Variants in NAV1 observed in about 807,000 individuals in gnomAD.
The protein encoded by NAV1 is neuron navigator 1.
NAV1 carries 18 observed loss-of-function variants against 175.2 expected under a neutral mutation model. The ratio of observed to expected loss-of-function variants is 0.10; its 90% CI spans 0.07 to 0.15. NAV1 has a LOEUF of 0.15. NAV1 is among the 10% of genes least tolerant of loss of function. NAV1 has a pLI of 1.00. For synonymous variants in NAV1, 897 were observed against 978.7 expected, an observed-to-expected ratio of 0.92 and a Z score of 1.56; for missense variants, 1,731 against 2,436.6, an observed-to-expected ratio of 0.71 and a Z score of 6.10.
chr1:201,816,192 T>C (rs1679018559), intron 28 of NAV1, among the ~76,000 whole-genome samples: 1 of 152,074 alleles, frequency 6.6e-6, no homozygotes, highest in Admixed American at 6.5e-5. Context: ...ACCAACATGA[T>C]GAAACCCCAT....
intron 1 of NAV1, among the ~76,000 whole-genome samples, chr1:201,652,820 A>T (rs1558039387): frequency 6.6e-6 from 1 of 152,200 alleles, no homozygotes; most frequent in Non-Finnish European, 1.5e-5. Flanking sequence ...TCAATTTATG[A>T]TGGGGTTATG....
At chr1:201,735,579 A>G (rs77685539) in intron 3 of NAV1, among the ~76,000 whole-genome samples, 2,295 of 152,334 alleles carry the variant, frequency 0.015, 42 homozygotes, top group African/African-American at 0.051. Flanking sequence ...ACCTGGACCC[A>G]ATGTCACTGT....
intron 1 of NAV1, among the ~76,000 whole-genome samples, chr1:201,580,950 C>T (rs530006631): frequency 6.6e-6 from 1 of 152,104 alleles, no homozygotes; most frequent in African/African-American, 2.4e-5. Context: ...GGCATCCCAC[C>T]AGGCAACACA....
chr1:201,803,567 T>G (rs1420961780), intron 15 of NAV1, 26 bp from the exon 20 acceptor site: 1 of 1,609,102 alleles, frequency 6.2e-7, no homozygotes, highest in East Asian at 2.2e-5. Context: ...CTGTTCTATG[T>G]TTTTCCCACT....
At position 201,752,032 on chromosome 1, in the gene NAV1, T is replaced by G. The variant is rs113536605; in HGVS notation, c.1227-28389T>G. 7.5e-4 allele frequency among the ~76,000 whole-genome samples: 115 copies of G among 152,324 alleles called. 2 individuals carry two copies. In the East Asian group the frequency reaches 0.02, roughly 27 times the overall value. On this transcript the variant is annotated intron_variant, in intron 3 of 29. Transcript: ENST00000367296. Reference sequence around the variant, plus strand: ...TTCACAATGCATTAGCTGGGTTTTCTCTCCAGTGCTGACCTTTGACCTCCA... The same window carrying G: ...TTCACAATGCATTAGCTGGGTTTTCGCTCCAGTGCTGACCTTTGACCTCCA...
chr1:201,769,655 T>C (rs1675440035), intron 3 of NAV1, among the ~76,000 whole-genome samples: 1 of 152,168 alleles, frequency 6.6e-6, no homozygotes, highest in Non-Finnish European at 1.5e-5. Flanking sequence ...GATGATAAAG[T>C]TAGTTATTCT....
intron 1 of NAV1, chr1:201,688,469 C>A (rs1203297822): frequency 6.6e-6 from 1 of 152,166 alleles, no homozygotes; most frequent in African/African-American, 2.4e-5. Context: ...GATAATATTT[C>A]TCTGAATAAA....
chr1:201,727,277 GA>G (rs1458462537), intron 3 of NAV1, among the ~76,000 whole-genome samples: 1 of 152,078 alleles, frequency 6.6e-6, no homozygotes, highest in Non-Finnish European at 1.5e-5. Context: ...CTTTGACAAA[GA>G]ATGTATTAAC....
At chr1:201,602,981 G>A (rs1295396224) in intron 2 of NAV1, among the ~76,000 whole-genome samples, 1 of 152,178 alleles carries the variant, frequency 6.6e-6, no homozygotes, top group East Asian at 1.9e-4. Flanking sequence ...TACTGGGGGC[G>A]AGAGCTCGGG....
intron 3 of NAV1, among the ~76,000 whole-genome samples, chr1:201,752,527 A>G (rs1674184328): frequency 6.6e-6 from 1 of 152,170 alleles, no homozygotes; most frequent in Admixed American, 6.5e-5. Flanking sequence ...CTGCTTGGCA[A>G]GAAAGAAAAC....
chr1:201,616,548 C>T (rs1326213220), intron 2 of NAV1, among the ~76,000 whole-genome samples: 4 of 151,974 alleles, frequency 2.6e-5, no homozygotes, highest in Non-Finnish European at 4.4e-5. Context: ...AGTGCAATAG[C>T]GCAATCTCGG....
intron 1 of NAV1, among the ~76,000 whole-genome samples, chr1:201,705,897 G>A (rs1301312355): frequency 6.6e-6 from 1 of 152,094 alleles, no homozygotes; most frequent in Non-Finnish European, 1.5e-5. Flanking sequence ...GTAGGATGGA[G>A]CCTTTGCAGT....
intron 9 of NAV1, 89 bp downstream of exon 13, chr1:201,786,666 T>C: frequency 7.5e-7 from 1 of 1,341,436 alleles, no homozygotes; most frequent in Admixed American, 2.0e-5. Context: ...TTGGGTTTCA[T>C]CTCATGTTTG....
intron 1 of NAV1, among the ~76,000 whole-genome samples, chr1:201,710,778 A>C (rs2102466479): frequency 6.6e-6 from 1 of 152,362 alleles, no homozygotes; most frequent in East Asian, 1.9e-4. Context: ...ATGGGGCAGT[A>C]GCACAAATCT....
chr1:201,786,364 G>T, intron 8 of NAV1, 65 bp from the exon 13 acceptor site: 1 of 1,517,176 alleles, frequency 6.6e-7, no homozygotes, highest in Non-Finnish European at 9.0e-7. Context: ...GACACCCTCC[G>T]CACCAACTAA....
intron 3 of NAV1, among the ~76,000 whole-genome samples, chr1:201,725,409 G>C (rs1004752303): frequency 6.6e-6 from 1 of 152,188 alleles, no homozygotes. Context: ...CAACATTCAA[G>C]TTCAGGAAGG....
chr1:201,818,372 C>CA (rs1463948569), intron 29 of NAV1, among the ~76,000 whole-genome samples: 1 of 151,242 alleles, frequency 6.6e-6, no homozygotes, highest in African/African-American at 2.4e-5. Context: ...ACTAAAAATA[C>CA]AAAAAATTAG....
intron 2 of NAV1, among the ~76,000 whole-genome samples, chr1:201,596,418 A>G (rs1667349717): frequency 6.6e-6 from 1 of 152,260 alleles, no homozygotes; most frequent in African/African-American, 2.4e-5. Context: ...GGATGCACTG[A>G]AGAGGGAGCT....
intron 1 of NAV1, among the ~76,000 whole-genome samples, chr1:201,679,287 G>A (rs1009508262): frequency 1.3e-5 from 2 of 152,138 alleles, no homozygotes; most frequent in African/African-American, 4.8e-5. Context: ...TCTAATTACC[G>A]GTGTGCATCT....
Sources: allele counts gnomAD v4.1 joint callset (sites outside exome capture counted in the v4.1 genomes callset), GRCh38; gene constraint gnomAD v4.1.1; transcripts MANE v1.5; gene names NCBI Gene and HGNC (gene_info 2026-07-23, HGNC 2026-07-21).